The following UMPS variants were observed in gnomAD, a reference collection of about 807,000 sequenced individuals.
The protein encoded by UMPS is uridine 5'-monophosphate synthase.
In UMPS, 21 loss-of-function variants were observed where a neutral mutation model predicts 38.9. That is an observed-to-expected ratio of 0.54 (90% CI 0.38 to 0.78). The LOEUF (loss-of-function observed/expected upper bound fraction) is 0.78. Among genes scored for constraint, UMPS ranks in the 30% least tolerant of loss-of-function variants. The pLI is 0.00. For synonymous variants in UMPS, 208 were observed against 219.3 expected (o/e 0.95, Z 0.45); for missense variants, 533 against 591.6 (o/e 0.90, Z 1.03).
Position 124,744,729 on chromosome 3 carries a change from T to A in UMPS, c.*645T>A, listed in dbSNP as rs1382651280. 2.2e-6 allele frequency: 1 copy of A among 454,034 alleles called. No homozygotes were observed. Among genetic ancestry groups the A allele is most frequent in the Non-Finnish European group, 4.4e-6 (1 of 226,790 alleles). The allele number at this position is 454,034 out of a possible 1,614,324, so 28.1% of individuals were successfully genotyped here. ...CAGCCTAATTGCAGTAAGACAAAAA[T>A]TCTAGGGCACCAAGAGGCTAAAGTC... On this transcript the variant is annotated 3_prime_UTR_variant, in exon 6 of 6. Transcript: ENST00000232607.
Position 124,744,409 on chromosome 3 carries a change from T to A in UMPS, c.*325T>A, listed in dbSNP as rs1027029836. The A allele has an allele frequency of 4.3e-6, 2 of 467,490 alleles. No homozygotes were observed. The highest frequency in any genetic ancestry group is 4.0e-5 in the African/African-American group (2 of 50,542). The allele number at this position is 467,490 out of a possible 1,614,324, so 29.0% of individuals were successfully genotyped here. On this transcript the variant is annotated 3_prime_UTR_variant, in exon 6 of 6. Transcript: ENST00000232607. ...CCATGGGACTAGACTGCTTTGTTAT[T>A]CTATTTATTTTTTAATTTTTTTCGA...
chr3:124,739,121 A>G lies in UMPS; in HGVS notation c.982+882A>G, dbSNP rs963068541. ...AGCTTACTTTAGCTGATTGACTGAC[A>G]TAAGAGTTTTATACAAACTTTCTTC... On this transcript the variant is annotated intron_variant, in intron 3 of 5. Transcript: ENST00000232607. Among the ~76,000 whole-genome samples the G allele has an allele frequency of 7.2e-5, 11 of 152,212 alleles. No homozygotes were observed. In the East Asian group the frequency reaches 1.7e-3, roughly 24 times the overall value.
At position 124,748,561 on chromosome 3, in the gene UMPS, A is replaced by G. The variant is rs1380041240; in HGVS notation, c.*4477A>G. 3 of 454,130 alleles carry G rather than the reference A, an allele frequency of 6.6e-6. No homozygotes were observed. Among genetic ancestry groups the G allele is most frequent in the South Asian group, 4.7e-5 (3 of 64,474 alleles). 28.1% of individuals were successfully genotyped at this position (454,130 alleles called of 1,614,324 possible). On this transcript the variant is annotated 3_prime_UTR_variant, in exon 6 of 6. Coordinates refer to ENST00000232607, the MANE Select transcript of UMPS (RefSeq NM_000373.4). ...GGGGGAAAGTCTTCCTCTAGACAAG[A>G]GGCAGAGGGCTCCTCAGAGTCAGAT...
chr3:124,734,891 C>T lies in UMPS; in HGVS notation c.157-202C>T, dbSNP rs1032617554. On this transcript the variant is annotated intron_variant, in intron 1 of 5. Coordinates refer to ENST00000232607, the MANE Select transcript of UMPS (RefSeq NM_000373.4). The stretch of plus-strand genomic sequence containing the variant: ...AAAAAATTAGCTGGGTGTAGTGGTG[C>T]GCGCCTGTAATCTCAGCTCCTTGGG... Among the ~76,000 whole-genome samples the T allele has an allele frequency of 5.3e-5, 8 of 152,130 alleles. No individual in the cohort carries two copies. In the East Asian group the frequency reaches 5.8e-4, roughly 11 times the overall value.
Position 124,747,173 on chromosome 3 carries a change from C to T in UMPS, c.*3089C>T, listed in dbSNP as rs1183546946. The stretch of plus-strand genomic sequence containing the variant: ...TCGAGTGGCTGGAACTACAGGCGTG[C>T]ACCACCACAGCTGGTTAATTTTTAA... On this transcript the variant is annotated 3_prime_UTR_variant, in exon 6 of 6. Coordinates refer to ENST00000232607, the MANE Select transcript of UMPS (RefSeq NM_000373.4). The T allele has an allele frequency of 2.6e-5, 12 of 453,744 alleles. No homozygotes were observed. Among genetic ancestry groups the T allele is most frequent in the Non-Finnish European group, 4.4e-5 (10 of 226,646 alleles). 28.1% of individuals were successfully genotyped at this position (453,744 alleles called of 1,614,324 possible).
In UMPS at chr3:124,737,610, C is replaced by T. The variant is rs1579130841; in HGVS notation, c.353C>T (p.Thr118Ile). Residue 118 changes from threonine to isoleucine, a missense_variant, in exon 3 of 6, where the codon ACC becomes ATC. Coordinates refer to ENST00000232607, the MANE Select transcript of UMPS (RefSeq NM_000373.4). Reference protein sequence around the residue: ...LVEGTINPGETCLIIEDVVTS... With the variant: ...LVEGTINPGEICLIIEDVVTS... Reference sequence around the variant, plus strand: ...GAAGGAACTATTAATCCAGGAGAAACCTGTTTAATCATTGAAGATGTTGTC... The same window carrying T: ...GAAGGAACTATTAATCCAGGAGAAATCTGTTTAATCATTGAAGATGTTGTC... 5 of 1,614,046 alleles carry T rather than the reference C, an allele frequency of 3.1e-6. No homozygotes were observed. The Middle Eastern group carries it at 8.2e-4, about 266-fold the overall frequency.
rs116770826 is a variant in UMPS, at chr3:124,741,887, A to G, written c.1159-265A>G. Among the ~76,000 whole-genome samples, 956 of 152,130 alleles carry G rather than the reference A, an allele frequency of 6.3e-3. 7 individuals are homozygous for G. Among genetic ancestry groups the G allele is most frequent in the African/African-American group, 0.022 (908 of 41,500 alleles). ...TAACTTTATATATATGGAATGAGAAAAGGCATCTATAATACAGCAAAGTTT... is the reference window on the plus strand; with the variant it reads ...TAACTTTATATATATGGAATGAGAAGAGGCATCTATAATACAGCAAAGTTT... On this transcript the variant is annotated intron_variant, in intron 4 of 5. Transcript: ENST00000232607.
Position 124,746,758 on chromosome 3 carries a change from TGTGTGTGTGTGTGTGTGTGTGTG to T in UMPS, c.*2675_*2697del, listed in dbSNP as rs1387531911. 1 of 90,186 alleles carries T rather than the reference TGTGTGTGTGTGTGTGTGTGTGTG, an allele frequency of 1.1e-5. No individual in the cohort carries two copies. The highest frequency in any genetic ancestry group is 9.4e-5 in the African/African-American group (1 of 10,588). The allele number at this position is 90,186 out of a possible 1,614,324, so 5.6% of individuals were successfully genotyped here. ...CTGTAGAACATAAGCCCATAGATTG[TGTGTGTGTGTGTGTGTGTGTGTG>T]TGTGTGTGTGTGTGTGCATGCGCGC... On this transcript the variant is annotated 3_prime_UTR_variant, in exon 6 of 6. Transcript: ENST00000232607.
rs1187613970 is a variant in UMPS at position 124,746,917 on chromosome 3, G to A, written c.*2833G>A. On this transcript the variant is annotated 3_prime_UTR_variant, in exon 6 of 6. Coordinates refer to ENST00000232607, the MANE Select transcript of UMPS (RefSeq NM_000373.4). ...AGGGATATGCTCAGTCTCACAGCCA[G>A]CCTGTGGATCTCAGTCCCAACACTC... 3 of 453,780 alleles carry A rather than the reference G, an allele frequency of 6.6e-6. No homozygotes were observed. The East Asian group carries it at 2.1e-4, about 32-fold the overall frequency. 28.1% of individuals were successfully genotyped at this position (453,780 alleles called of 1,614,324 possible).
Position 124,731,484 on chromosome 3 carries a change from A to T in UMPS, c.156+857A>T, listed in dbSNP as rs1367776346. On this transcript the variant is annotated intron_variant, in intron 1 of 5. Transcript: ENST00000232607. ...TAGCTAATCAATCGCTTGTGTTATT[A>T]TTTTATTTATTTATTTTTTAGATGG... is the stretch of plus-strand genomic sequence containing the variant. The T allele has an allele frequency of 6.8e-6, 3 of 440,584 alleles. No homozygotes were observed. In the Admixed American group the frequency reaches 7.3e-5, roughly 11 times the overall value. 27.3% of individuals were successfully genotyped at this position (440,584 alleles called of 1,614,324 possible).
chr3:124,740,043 T>C lies in UMPS; in HGVS notation c.1002T>C (p.Ala334=). Residue 334 remains alanine, a synonymous_variant, in exon 4 of 6, where the codon GCT becomes GCC. Coordinates refer to ENST00000232607, the MANE Select transcript of UMPS (RefSeq NM_000373.4). ...KQYEGGIFKI[A]SWADLVNAHV... is the part of the protein sequence containing the mutation. ...TCTTAGGAGGTATCTTTAAAATAGCTTCCTGGGCAGATCTAGTAAATGCTC... is the reference window on the plus strand; with the variant it reads ...TCTTAGGAGGTATCTTTAAAATAGCCTCCTGGGCAGATCTAGTAAATGCTC... The C allele has an allele frequency of 6.2e-7, 1 of 1,614,234 alleles. No homozygotes were observed. Among genetic ancestry groups the C allele is most frequent in the South Asian group, 1.1e-5 (1 of 91,084 alleles).
chr3:124,736,725 T>C (rs1179199878), intron 2 of UMPS, among the ~76,000 whole-genome samples: 2 of 152,270 alleles, frequency 1.3e-5, no homozygotes, highest in African/African-American at 2.4e-5. Flanking sequence ...ATACTATAAA[T>C]ACTTGCAGTC....
At chr3:124,737,139 C>T (rs1445764535) in intron 2 of UMPS, 4 of 172,656 alleles carry the variant, frequency 2.3e-5, no homozygotes, top group Non-Finnish European at 4.9e-5. Context: ...CGTGGTGGCT[C>T]ACACCTATAA....
Position 124,738,083 on chromosome 3 carries a change from A to G in UMPS, c.826A>G (p.Ser276Gly). The G allele has an allele frequency of 1.9e-6, 3 of 1,614,238 alleles. No homozygotes were observed. Among genetic ancestry groups the G allele is most frequent in the Non-Finnish European group, 1.7e-6 (2 of 1,180,042 alleles). ...LLQLADALGP[S>G]ICMLKTHVDI... Reference sequence around the variant, plus strand: ...GCAGCTAGCAGATGCTTTAGGACCTAGTATCTGCATGCTGAAGACTCATGT... The same window carrying G: ...GCAGCTAGCAGATGCTTTAGGACCTGGTATCTGCATGCTGAAGACTCATGT... The change falls in exon 3 of 6, where the codon AGT (serine) becomes GGT (glycine). Residue 276 changes from serine (S) to glycine (G), a missense_variant. By Grantham distance (56) the Ser-to-Gly change is moderately conservative. Coordinates refer to ENST00000232607, the MANE Select transcript of UMPS (RefSeq NM_000373.4).
At chr3:124,731,960 A>C (rs1428933271) in intron 1 of UMPS, among the ~76,000 whole-genome samples, 5 of 145,130 alleles carry the variant, frequency 3.4e-5, no homozygotes, top group African/African-American at 7.4e-5. Flanking sequence ...ATGCCCACCA[A>C]ATTAAAAATT....
At chr3:124,741,019 C>T (rs900176394) in intron 4 of UMPS, among the ~76,000 whole-genome samples, 7 of 152,036 alleles carry the variant, frequency 4.6e-5, no homozygotes, top group Non-Finnish European at 7.4e-5. Context: ...AAGACAATCC[C>T]CATGTGAAGA....
intron 2 of UMPS, among the ~76,000 whole-genome samples, 153 bp downstream of exon 2, chr3:124,735,399 ACCTT>A (rs1486002382): frequency 9.2e-5 from 14 of 152,114 alleles, no homozygotes; most frequent in Admixed American, 4.6e-4. Context: ...ACTATAAGTC[ACCTT>A]CCTTTTTTTA....
chr3:124,733,677 T>C lies in UMPS; in HGVS notation c.157-1416T>C, dbSNP rs17843796. ...TTCTTAATGGTCTTTTCCTTGGGCA[T>C]GCATCGGACATAGTATGTGCCACTA... On this transcript the variant is annotated intron_variant, in intron 1 of 5. Coordinates refer to ENST00000232607, the MANE Select transcript of UMPS (RefSeq NM_000373.4). 3.2e-3 allele frequency: 518 copies of C among 160,750 alleles called. 6 individuals are homozygous for C. Among genetic ancestry groups the C allele is most frequent in the African/African-American group, 0.012 (490 of 42,056 alleles). 10.0% of individuals were successfully genotyped at this position (160,750 alleles called of 1,614,324 possible).
chr3:124,746,016 G>C lies in UMPS; in HGVS notation c.*1932G>C, dbSNP rs191303925. 4.4e-6 allele frequency: 2 copies of C among 454,144 alleles called. No homozygotes were observed. The highest frequency in any genetic ancestry group is 4.7e-5 in the Admixed American group (2 of 42,574). 28.1% of individuals were successfully genotyped at this position (454,144 alleles called of 1,614,324 possible). A position where few individuals can be genotyped will look rare whatever the true frequency, so the allele number is the denominator to read the frequency against. Reference sequence around the variant, plus strand: ...CAAAAAGGTCCCAGGTGATGCTGCGGTTGCCTGCGCAGGGACTGGACTTTG... The same window carrying C: ...CAAAAAGGTCCCAGGTGATGCTGCGCTTGCCTGCGCAGGGACTGGACTTTG... On this transcript the variant is annotated 3_prime_UTR_variant, in exon 6 of 6. Transcript: ENST00000232607.
Sources: allele counts gnomAD v4.1 joint callset (sites outside exome capture counted in the v4.1 genomes callset), GRCh38; gene constraint gnomAD v4.1.1; transcripts MANE v1.5; gene names NCBI Gene and HGNC (gene_info 2026-07-23, HGNC 2026-07-21).